TTC23: variants seen among roughly 807,000 people sequenced by gnomAD.
The protein encoded by TTC23 is tetratricopeptide repeat domain 23.
Under a neutral mutation model 55.1 loss-of-function variants are expected in TTC23, and 58 were observed. The ratio of observed to expected loss-of-function variants is 1.05; its 90% CI spans 0.85 to 1.31. The LOEUF (loss-of-function observed/expected upper bound fraction) is 1.31. TTC23 is among the 50% of genes most tolerant of loss of function. TTC23 has a pLI of 0.00. For synonymous variants in TTC23, 203 were observed against 199.9 expected, an observed-to-expected ratio of 1.02 and a Z score of -0.13; for missense variants, 516 against 534.4, an observed-to-expected ratio of 0.97 and a Z score of 0.34.
intron 9 of TTC23, among the ~76,000 whole-genome samples, chr15:99,193,998 A>C (rs1037374495): frequency 6.6e-6 from 1 of 151,954 alleles, no homozygotes; most frequent in Non-Finnish European, 1.5e-5. Flanking sequence ...GGCAAGAGCA[A>C]GACTCTATCT....
At chr15:99,138,639 A>T (rs1292444366) in intron 13 of TTC23, among the ~76,000 whole-genome samples, 1 of 152,164 alleles carries the variant, frequency 6.6e-6, no homozygotes, top group African/African-American at 2.4e-5. Context: ...ATCACCTGTG[A>T]CCATCCTCAC....
intron 12 of TTC23, chr15:99,148,498 G>T (rs1555495188): frequency 1.3e-5 from 2 of 151,758 alleles, no homozygotes; most frequent in African/African-American, 2.4e-5. Context: ...GAAGAAAGGG[G>T]TCACATACAA....
chr15:99,175,050 C>G lies in TTC23; in HGVS notation c.865G>C (p.Asp289His). 6.2e-7 allele frequency: 1 copy of G among 1,613,846 alleles called. No homozygotes were observed. Among genetic ancestry groups the G allele is most frequent in the African/African-American group, 1.3e-5 (1 of 75,028 alleles). ...AGGAAGAGAAAAGGATTCTTCTCAC[C>G]ATGGTGCTCGTGTCTCCCTGAAGCG... is the stretch of plus-strand genomic sequence containing the variant. ...AVASGRHEHHDVAEQYFQESM... is the reference protein window; with the variant it reads ...AVASGRHEHHHVAEQYFQESM... The change falls in exon 10 of 14, where the codon GAT becomes CAT. Residue 289 changes from aspartate to histidine, a missense_variant and splice_region_variant. By Grantham distance (81) the Asp-to-His change is moderately conservative (BLOSUM62 -1). Coordinates refer to ENST00000394132, the MANE Select transcript of TTC23 (RefSeq NM_001288615.3).
rs528488319 is a variant in TTC23 at position 99,147,048 on chromosome 15, G to A, written c.1144-7649C>T. Among the ~76,000 whole-genome samples the A allele has an allele frequency of 2.6e-5, 4 of 151,204 alleles. No individual in the cohort carries two copies. The South Asian group carries it at 8.3e-4, about 31-fold the overall frequency. Reference sequence around the variant, plus strand: ...TCCTGCCTCAGCCTCCCAAGTAGCTGAGATTACAGGCACACGCCACCACAC... The same window carrying A: ...TCCTGCCTCAGCCTCCCAAGTAGCTAAGATTACAGGCACACGCCACCACAC... On this transcript the variant is annotated intron_variant, in intron 12 of 13. Transcript: ENST00000394132.
Position 99,139,718 on chromosome 15 carries a change from A to AT in TTC23, c.1144-320dup, listed in dbSNP as rs1303702720. The AT allele has an allele frequency of 1.9e-5, 26 of 1,354,962 alleles. No individual in the cohort carries two copies. In the Admixed American group the frequency reaches 5.8e-4, roughly 30 times the overall value. The allele number at this position is 1,354,962 out of a possible 1,614,324, so 83.9% of individuals were successfully genotyped here. ...GACCAGAGGATGGGCTCCAGTTTCT[A>AT]TTTTTAAATGTGGCCCTTGTTATAG... On this transcript the variant is annotated intron_variant, in intron 12 of 13. Transcript: ENST00000394132.
chr15:99,148,514 T>A (rs532951782), intron 12 of TTC23: 1 of 152,244 alleles, frequency 6.6e-6, no homozygotes, highest in Non-Finnish European at 1.5e-5. Flanking sequence ...TACAATTTTT[T>A]GTGTGTGGAA....
intron 10 of TTC23, among the ~76,000 whole-genome samples, chr15:99,169,387 T>C (rs1290566931): frequency 1.3e-5 from 2 of 152,272 alleles, no homozygotes; most frequent in East Asian, 3.9e-4. Flanking sequence ...AAGCTGAGGT[T>C]GGAGGCATCA....
intron 10 of TTC23, among the ~76,000 whole-genome samples, chr15:99,169,191 G>T (rs955969903): frequency 6.6e-6 from 1 of 152,162 alleles, no homozygotes; most frequent in Non-Finnish European, 1.5e-5. Flanking sequence ...GAGCTCAAAG[G>T]CAAGGCCAAA....
At chr15:99,176,232 A>G (rs2073534660) in intron 9 of TTC23, among the ~76,000 whole-genome samples, 1 of 152,182 alleles carries the variant, frequency 6.6e-6, no homozygotes, top group Non-Finnish European at 1.5e-5. Context: ...AAAAAATAAA[A>G]TACGGTGAAG....
intron 9 of TTC23, among the ~76,000 whole-genome samples, chr15:99,191,603 T>G (rs1004737726): frequency 6.6e-6 from 1 of 152,336 alleles, no homozygotes; most frequent in South Asian, 2.1e-4. Flanking sequence ...TGCTCCTCCT[T>G]GCCTTCTACC....
chr15:99,184,403 G>A (rs749614468), intron 9 of TTC23, among the ~76,000 whole-genome samples: 10 of 152,230 alleles, frequency 6.6e-5, no homozygotes, highest in Non-Finnish European at 1.0e-4. Flanking sequence ...CAAAGCCACA[G>A]GGGCAGAGCT....
chr15:99,144,120 G>T (rs2151840790), intron 12 of TTC23, among the ~76,000 whole-genome samples: 1 of 152,302 alleles, frequency 6.6e-6, no homozygotes, highest in South Asian at 2.1e-4. Flanking sequence ...GAAAGCTGGG[G>T]TAGTTGAGAG....
At chr15:99,198,651 C>A (rs183073697) in intron 9 of TTC23, among the ~76,000 whole-genome samples, 1 of 152,292 alleles carries the variant, frequency 6.6e-6, no homozygotes, top group Non-Finnish European at 1.5e-5. Context: ...ATCACTCAAC[C>A]TCTCTAATTC....
At chr15:99,156,724 T>G (rs1567348504) in intron 11 of TTC23, among the ~76,000 whole-genome samples, 1 of 152,192 alleles carries the variant, frequency 6.6e-6, no homozygotes. Flanking sequence ...ACATGGGTAT[T>G]ATAGGAACTA....
intron 6 of TTC23, among the ~76,000 whole-genome samples, chr15:99,220,526 C>T (rs1293298859): frequency 3.3e-5 from 5 of 151,984 alleles, no homozygotes; most frequent in African/African-American, 1.2e-4. Flanking sequence ...CATTGTTTTC[C>T]CTGAATCTAC....
chr15:99,227,899 C>G (rs2078593583), intron 5 of TTC23, among the ~76,000 whole-genome samples: 1 of 152,218 alleles, frequency 6.6e-6, no homozygotes, highest in Non-Finnish European at 1.5e-5. Context: ...CACCTCCAGG[C>G]TCACTGTCCA....
intron 9 of TTC23, among the ~76,000 whole-genome samples, chr15:99,190,744 A>C (rs996924708): frequency 6.6e-6 from 1 of 152,036 alleles, no homozygotes; most frequent in African/African-American, 2.4e-5. Flanking sequence ...GCATATTTGA[A>C]TTCCTTTGCT....
chr15:99,202,733 G>C (rs2076298374), intron 8 of TTC23, among the ~76,000 whole-genome samples: 1 of 152,160 alleles, frequency 6.6e-6, no homozygotes, highest in African/African-American at 2.4e-5. Flanking sequence ...CAGAGAAAAT[G>C]TTATGGAAAA....
chr15:99,180,478 C>T (rs1218782701), intron 9 of TTC23, among the ~76,000 whole-genome samples: 2 of 152,228 alleles, frequency 1.3e-5, no homozygotes, highest in African/African-American at 4.8e-5. Context: ...GCCAATCAAG[C>T]TGTCGACAGA....
Sources: allele counts gnomAD v4.1 joint callset (sites outside exome capture counted in the v4.1 genomes callset), GRCh38; gene constraint gnomAD v4.1.1; transcripts MANE v1.5; gene names NCBI Gene and HGNC (gene_info 2026-07-23, HGNC 2026-07-21).